The following RAD52 variants were observed in gnomAD, a reference collection of about 807,000 sequenced individuals.
RAD52 encodes the protein RAD52 DNA repair protein, also known as DNA repair protein RAD52 homolog.
A neutral mutation model predicts 55.5 loss-of-function variants in RAD52; 47 were observed. The ratio of observed to expected loss-of-function variants is 0.85; its 90% CI spans 0.67 to 1.08. The LOEUF (loss-of-function observed/expected upper bound fraction) is 1.08, where lower values mean the gene tolerates loss of function less well. RAD52 is among the 50% of genes least tolerant of loss of function. RAD52 has a pLI of 0.00. For missense variants in RAD52, 468 were observed against 522.8 expected, an observed-to-expected ratio of 0.90 and a Z score of 1.02; for synonymous variants, 184 against 198.9, an observed-to-expected ratio of 0.92 and a Z score of 0.63.
chr12:978,672 G>A (rs748459624), intron 1 of RAD52, among the ~76,000 whole-genome samples: 6 of 151,916 alleles, frequency 3.9e-5, no homozygotes, highest in African/African-American at 1.2e-4. Context: ...GCATGGCGGC[G>A]TGCACCTGTA....
chr12:945,525 C>G (rs886268005), intron 1 of RAD52, among the ~76,000 whole-genome samples: 3 of 151,178 alleles, frequency 2.0e-5, no homozygotes, highest in African/African-American at 4.8e-5. Context: ...CCTCCACCTC[C>G]CAGGTTCAAG....
intron 1 of RAD52, among the ~76,000 whole-genome samples, chr12:971,308 T>C (rs1342407010): frequency 6.6e-6 from 1 of 151,960 alleles, no homozygotes; most frequent in African/African-American, 2.4e-5. Context: ...TTTAAAGACA[T>C]AGTCATTGAG....
chr12:964,848 G>A (rs1958735727), intron 1 of RAD52, among the ~76,000 whole-genome samples: 2 of 151,922 alleles, frequency 1.3e-5, no homozygotes, highest in South Asian at 2.1e-4. Flanking sequence ...ACGTGCTGGG[G>A]CTACAGATGT....
intron 1 of RAD52, among the ~76,000 whole-genome samples, chr12:980,295 CTTT>C (rs1051155058): frequency 2.9e-5 from 4 of 139,646 alleles, no homozygotes; most frequent in Non-Finnish European, 3.1e-5. Context: ...GTTGTCTTTC[CTTT>C]TTTTTTTTTT....
intron 3 of RAD52, among the ~76,000 whole-genome samples, chr12:930,659 G>A (rs1406318113): frequency 6.6e-6 from 1 of 151,306 alleles, no homozygotes. Context: ...ATGGCAAAAG[G>A]AACATTTTTT....
Position 916,329 on chromosome 12 carries a change from C to T in RAD52, c.865+15G>A. The T allele has an allele frequency of 6.2e-7, 1 of 1,603,180 alleles. No homozygotes were observed. The highest frequency in any genetic ancestry group is 2.2e-5 in the East Asian group (1 of 44,866). ...GCAGACGCCTCCCAGGGCCCTGCTC[C>T]CACCCCTCGCTCACCCTCACTCTTC... On this transcript the variant is annotated intron_variant, in intron 9 of 11. Transcript: ENST00000358495.
intron 1 of RAD52, among the ~76,000 whole-genome samples, chr12:980,361 T>C (rs1208209268): frequency 6.6e-6 from 1 of 150,600 alleles, no homozygotes; most frequent in East Asian, 2.0e-4. Context: ...TGGTGCGATC[T>C]TGGCCCACTG....
At chr12:933,132 A>G in intron 1 of RAD52, 56 bp from the exon 2 acceptor site, 1 of 1,260,892 alleles carries the variant, frequency 7.9e-7, no homozygotes, top group East Asian at 2.3e-5. Context: ...TTTAAAGTAA[A>G]AGGCAAGAGC....
rs371108382 is a variant in RAD52 at position 970,036 on chromosome 12, C to T, written c.-19+19773G>A. Among the ~76,000 whole-genome samples, 130 of 148,922 alleles carry T rather than the reference C, an allele frequency of 8.7e-4. 3 individuals carry two copies. The highest frequency in any genetic ancestry group is 1.8e-3 in the African/African-American group (72 of 40,100). ...TGGTGATATAATTTAGGGCTGGGCG[C>T]GGTGACTCATGCCTATAATCCCAGC... On this transcript the variant is annotated intron_variant, in intron 1 of 11. Transcript: ENST00000430095.
intron 5 of RAD52, chr12:929,602 T>G: frequency 1.3e-6 from 1 of 756,276 alleles, no homozygotes; most frequent in Non-Finnish European, 2.4e-6. Flanking sequence ...GGTGAAAACT[T>G]TTAGGTGTCA....
chr12:965,273 G>A (rs930965514), intron 1 of RAD52, among the ~76,000 whole-genome samples: 12 of 151,812 alleles, frequency 7.9e-5, no homozygotes, highest in African/African-American at 2.2e-4. Flanking sequence ...CACTGTGCCC[G>A]GCCACATCTT....
chr12:939,052 T>TTGTGTGTGTGTGTGTG (rs1555176185), intron 1 of RAD52, among the ~76,000 whole-genome samples: 12 of 141,142 alleles, frequency 8.5e-5, no homozygotes, highest in East Asian at 2.1e-4. Context: ...ATTCAACTAA[T>TTGTGTGTGTGTGTGTG]TGTGTGTGTG....
In RAD52 at chr12:916,811, C is replaced by A. The variant is rs1226358638; in HGVS notation, c.553G>T (p.Glu185Ter). ...CTCTTCGCTTTAGTTAAATCCACTTCAAGAGGCAACTAGAAGGAAAGAAGA... is the reference window on the plus strand; with the variant it reads ...CTCTTCGCTTTAGTTAAATCCACTTAAAGAGGCAACTAGAAGGAAAGAAGA... Reference protein sequence around the residue: ...LNKLPRQLPLEVDLTKAKRQD... With the variant: ...LNKLPRQLPL Residue 185 changes from glutamate to a stop codon, truncating the protein, a stop_gained, in exon 8 of 12, where the codon GAA (glutamate) becomes TAA (stop). Coordinates refer to ENST00000358495, the MANE Select transcript of RAD52 (RefSeq NM_134424.4). LOFTEE classifies it high-confidence loss of function. 1 of 1,598,962 alleles carries A rather than the reference C, an allele frequency of 6.3e-7. No homozygotes were observed. The highest frequency in any genetic ancestry group is 8.6e-7 in the Non-Finnish European group (1 of 1,167,354).
chr12:987,828 T>C (rs1341413910), intron 1 of RAD52, among the ~76,000 whole-genome samples: 2 of 152,160 alleles, frequency 1.3e-5, no homozygotes, highest in African/African-American at 4.8e-5. Flanking sequence ...TCCTAAAGTG[T>C]TGGGATTATA....
At chr12:918,158 A>T (rs1956509905) in intron 7 of RAD52, among the ~76,000 whole-genome samples, 1 of 152,228 alleles carries the variant, frequency 6.6e-6, no homozygotes, top group Non-Finnish European at 1.5e-5. Flanking sequence ...AAAGAATGCT[A>T]ACAGCATCTC....
intron 1 of RAD52, among the ~76,000 whole-genome samples, chr12:938,814 C>A (rs983243758): frequency 6.6e-6 from 1 of 152,094 alleles, no homozygotes; most frequent in Non-Finnish European, 1.5e-5. Flanking sequence ...TGGGAGAAAT[C>A]TGATGATGGG....
At chr12:967,381 CAAAA>C (rs71055113) in intron 1 of RAD52, among the ~76,000 whole-genome samples, 1 of 138,204 alleles carries the variant, frequency 7.2e-6, no homozygotes. Context: ...GACCTTGTCT[CAAAA>C]AAAAAAAAAA....
chr12:958,473 T>C (rs922168724), intron 1 of RAD52, among the ~76,000 whole-genome samples: 6 of 152,154 alleles, frequency 3.9e-5, no homozygotes, highest in Non-Finnish European at 8.8e-5. Context: ...GCCTTGGCCT[T>C]CCATTGTGCT....
rs1956195221 is a variant in RAD52 at position 913,352 on chromosome 12, C to A, written c.*39G>T. ...GACCAAAAAGTAGTTTTCCAAAGTCCCTTTGTGACAGAGTCCAATTATGTG... is the reference window on the plus strand; with the variant it reads ...GACCAAAAAGTAGTTTTCCAAAGTCACTTTGTGACAGAGTCCAATTATGTG... On this transcript the variant is annotated 3_prime_UTR_variant, in exon 12 of 12. Transcript: ENST00000358495. 6.8e-7 allele frequency: 1 copy of A among 1,480,384 alleles called. No individual in the cohort carries two copies. The allele number at this position is 1,480,384 out of a possible 1,614,324, so 91.7% of individuals were successfully genotyped here. A position where few individuals can be genotyped will look rare whatever the true frequency, so the allele number is the denominator to read the frequency against.
Sources: gnomAD v4.1 joint callset for allele counts (sites outside exome capture counted in the v4.1 genomes callset) on GRCh38, gnomAD v4.1.1 for gene constraint, MANE v1.5 for transcripts, NCBI Gene and HGNC (gene_info 2026-07-23, HGNC 2026-07-21) for gene names.